Variants in NAB1 observed in about 807,000 individuals in gnomAD.
NAB1 encodes NGFI-A-binding protein 1.
A neutral mutation model predicts 49.9 loss-of-function variants in NAB1; 25 were observed. That is an observed-to-expected ratio of 0.50 (90% confidence interval 0.37 to 0.70). The LOEUF (loss-of-function observed/expected upper bound fraction) is 0.70. Ranked by LOEUF, NAB1 falls within the 30% of genes least tolerant of loss-of-function variation. The pLI is 0.00. For synonymous variants in NAB1, 198 were observed against 215.6 expected, an observed-to-expected ratio of 0.92 and a Z score of 0.71; for missense variants, 489 against 575.9, an observed-to-expected ratio of 0.85 and a Z score of 1.54.
In NAB1 at chr2:190,691,445, T is replaced by G. The variant is rs1323272167; in HGVS notation, c.*1112T>G. The stretch of plus-strand genomic sequence containing the variant: ...ATTATTTATTTTACAATTTCATTTT[T>G]CTACACCTTTGAGATTTATGAATGC... On this transcript the variant is annotated 3_prime_UTR_variant, in exon 10 of 10. Transcript: ENST00000337386. The surrounding 1 kb of genome is among the most constrained non-coding windows in gnomAD (Gnocchi z 4.1). 3.3e-5 allele frequency: 5 copies of G among 152,176 alleles called. No homozygotes were observed. Among genetic ancestry groups the G allele is most frequent in the Non-Finnish European group, 7.4e-5 (5 of 67,988 alleles). 9.4% of individuals were successfully genotyped at this position (152,176 alleles called of 1,614,324 possible).
chr2:190,685,599 A>C lies in NAB1; in HGVS notation c.1219A>C (p.Ser407Arg). 6.2e-7 allele frequency: 1 copy of C among 1,613,182 alleles called. No individual in the cohort carries two copies. The highest frequency in any genetic ancestry group is 2.2e-5 in the East Asian group (1 of 44,870). Residue 407 changes from serine (S) to arginine (R), a missense_variant, in exon 8 of 10, where the codon AGT (serine) becomes CGT (arginine). Ser to Arg is a moderately radical substitution (Grantham distance 110). Around this residue, in one of 4 missense-constraint regions of NAB1, gnomAD observed 212 missense variants for 199.3 expected, o/e 1.06. Coordinates refer to ENST00000337386, the MANE Select transcript of NAB1 (RefSeq NM_005966.4). This position sits in a 1 kb window ranked among gnomAD's most constrained non-coding sequence, Gnocchi z 4.5. Reference protein sequence around the residue: ...GLYRQSSEEHSPNGLTSDNSD... With the variant: ...GLYRQSSEEHRPNGLTSDNSD... ...TTACAGGCAGAGCTCAGAAGAGCAC[A>C]GTCCTAACGGCTTGACTTCCGATAA...
rs940331388 is a variant in NAB1, at chr2:190,674,253, C to T, written c.1005+1101C>T. ...CTTGCATCTCCTACCTTGTCTGCTG[C>T]CACACTCTCCATTCTTACTGTGTTC... On this transcript the variant is annotated intron_variant, in intron 6 of 9. Coordinates refer to ENST00000337386, the MANE Select transcript of NAB1 (RefSeq NM_005966.4). This position sits in a 1 kb window ranked among gnomAD's most constrained non-coding sequence, Gnocchi z 5.7. Among the ~76,000 whole-genome samples, 11 of 152,116 alleles carry T rather than the reference C, an allele frequency of 7.2e-5. No individual in the cohort carries two copies. The highest frequency in any genetic ancestry group is 1.5e-4 in the Non-Finnish European group (10 of 68,000).
rs1695475599 is a variant in NAB1, at chr2:190,683,841, C to T, written c.1095+14C>T. On this transcript the variant is annotated intron_variant, in intron 7 of 9. Transcript: ENST00000337386. ...CTTAGTTCACAGGTAACATAAACTC[C>T]CAGTTATTACTCCATGATAGTATCT... 7.0e-6 allele frequency: 11 copies of T among 1,579,126 alleles called. No individual in the cohort carries two copies. The highest frequency in any genetic ancestry group is 1.3e-5 in the African/African-American group (1 of 74,210).
Position 190,659,522 on chromosome 2 carries a change from A to G in NAB1, c.346A>G (p.Arg116Gly). ...WLGISCSSYERSSNAREPHLK... is the reference protein window; with the variant it reads ...WLGISCSSYEGSSNAREPHLK... ...GGGAATATCCTGCAGTAGTTATGAAAGGAGTAGCAATGCCCGGGAACCTCA... is the reference window on the plus strand; with the variant it reads ...GGGAATATCCTGCAGTAGTTATGAAGGGAGTAGCAATGCCCGGGAACCTCA... The change falls in exon 4 of 10, where the codon AGG (arginine) becomes GGG (glycine). Residue 116 changes from arginine (R) to glycine (G), a missense_variant. Around this residue, in one of 4 missense-constraint regions of NAB1, gnomAD observed 204 missense variants for 220.9 expected, o/e 0.92. Coordinates refer to ENST00000337386, the MANE Select transcript of NAB1 (RefSeq NM_005966.4). The surrounding 1 kb of genome is among the most constrained non-coding windows in gnomAD (Gnocchi z 6.2). 1 of 1,614,232 alleles carries G rather than the reference A, an allele frequency of 6.2e-7. No individual in the cohort carries two copies. Among genetic ancestry groups the G allele is most frequent in the Non-Finnish European group, 8.5e-7 (1 of 1,180,040 alleles).
At position 190,670,416 on chromosome 2, in the gene NAB1, A is replaced by AAG; in HGVS notation, c.910_911insAG (p.Ile304LysfsTer68). On this transcript the variant is annotated frameshift_variant, in exon 5 of 10. Coordinates refer to ENST00000337386, the MANE Select transcript of NAB1 (RefSeq NM_005966.4). LOFTEE classifies it high-confidence loss of function. This position sits in a 1 kb window ranked among gnomAD's most constrained non-coding sequence, Gnocchi z 5.3. ...TGAGCTTTTTGCCTTGGCTCGACAG[A>AAG]TTTCTCGAGAAGTCACCTATAAATA... 1 of 1,614,036 alleles carries AAG rather than the reference A, an allele frequency of 6.2e-7. No individual in the cohort carries two copies. The highest frequency in any genetic ancestry group is 8.5e-7 in the Non-Finnish European group (1 of 1,179,944).
intron 4 of NAB1, among the ~76,000 whole-genome samples, chr2:190,661,144 T>G (rs1694205867): frequency 6.6e-6 from 1 of 152,178 alleles, no homozygotes; most frequent in Admixed American, 6.5e-5. Flanking sequence ...TTGCCCAGGC[T>G]GGTCTCAAGC....
rs1224128943 is a variant in NAB1 at position 190,666,519 on chromosome 2, C to T, written c.820-3807C>T. Among the ~76,000 whole-genome samples the T allele has an allele frequency of 1.3e-5, 2 of 151,868 alleles. No individual in the cohort carries two copies. The highest frequency in any genetic ancestry group is 2.9e-5 in the Non-Finnish European group (2 of 67,976). On this transcript the variant is annotated intron_variant, in intron 4 of 9. Coordinates refer to ENST00000337386, the MANE Select transcript of NAB1 (RefSeq NM_005966.4). The surrounding 1 kb of genome is among the most constrained non-coding windows in gnomAD (Gnocchi z 5.6). ...GTCAGGAGTTCGAGACCAGCCTGGC[C>T]AACATGATGAAACCCCGTCTGTACT... is the stretch of plus-strand genomic sequence containing the variant.
rs1695785146 is a variant in NAB1, at chr2:190,689,081, C to T, written c.1376-1164C>T. ...GACCTTGTGATCCGCCCGCCTCGGC[C>T]CCACAAAGTGCTGGGATTACAGGTG... On this transcript the variant is annotated intron_variant, in intron 9 of 9. Transcript: ENST00000337386. The surrounding 1 kb of genome is among the most constrained non-coding windows in gnomAD (Gnocchi z 4.3). Among the ~76,000 whole-genome samples, 1 of 152,092 alleles carries T rather than the reference C, an allele frequency of 6.6e-6. No individual in the cohort carries two copies. The highest frequency in any genetic ancestry group is 2.4e-5 in the African/African-American group (1 of 41,402).
intron 4 of NAB1, among the ~76,000 whole-genome samples, chr2:190,668,773 A>G (rs1343277515): frequency 6.6e-6 from 1 of 152,182 alleles, no homozygotes; most frequent in Non-Finnish European, 1.5e-5. Flanking sequence ...AGAAAGGGTG[A>G]CTACAGTAGT....
At chr2:190,668,413 G>A (rs879652028) in intron 4 of NAB1, among the ~76,000 whole-genome samples, 10 of 152,056 alleles carry the variant, frequency 6.6e-5, no homozygotes, top group Admixed American at 5.9e-4. Flanking sequence ...ATGGAATATT[G>A]TATGTGTGGG....
In NAB1 at chr2:190,685,333, A is replaced by G. The variant is rs1695553571; in HGVS notation, c.1096-143A>G. ...ATGATATAGACATCTATGCATATTT[A>G]TGGAATTTGTATACCACATGAAGTG... is the stretch of plus-strand genomic sequence containing the variant. On this transcript the variant is annotated intron_variant, in intron 7 of 9. Coordinates refer to ENST00000337386, the MANE Select transcript of NAB1 (RefSeq NM_005966.4). The surrounding 1 kb of genome is among the most constrained non-coding windows in gnomAD (Gnocchi z 4.5). 2 of 659,944 alleles carry G rather than the reference A, an allele frequency of 3.0e-6. No homozygotes were observed. The highest frequency in any genetic ancestry group is 3.3e-5 in the Admixed American group (1 of 30,174). The allele number at this position is 659,944 out of a possible 1,614,324, so 40.9% of individuals were successfully genotyped here. A position where few individuals can be genotyped will look rare whatever the true frequency, so the allele number is the denominator to read the frequency against.
Position 190,666,449 on chromosome 2 carries a change from G to A in NAB1, c.820-3877G>A, listed in dbSNP as rs1381110870. On this transcript the variant is annotated intron_variant, in intron 4 of 9. Transcript: ENST00000337386. This position sits in a 1 kb window ranked among gnomAD's most constrained non-coding sequence, Gnocchi z 5.6. ...AGGCCGGGCATGGTGGCTCACGCCTGTAATCCCAGCACTTTGGGAGGCCAA... is the reference window on the plus strand; with the variant it reads ...AGGCCGGGCATGGTGGCTCACGCCTATAATCCCAGCACTTTGGGAGGCCAA... Among the ~76,000 whole-genome samples the A allele has an allele frequency of 6.6e-6, 1 of 152,228 alleles. No homozygotes were observed. The highest frequency in any genetic ancestry group is 2.4e-5 in the African/African-American group (1 of 41,450).
intron 8 of NAB1, 44 bp from the exon 9 acceptor site, chr2:190,687,157 G>C (rs752590749): frequency 8.1e-7 from 1 of 1,242,016 alleles, no homozygotes; most frequent in Admixed American, 2.8e-5. Context: ...AAAAACCATG[G>C]TATGTTTTTA....
chr2:190,692,130 C>G lies in NAB1; in HGVS notation c.*1797C>G, dbSNP rs766078429. On this transcript the variant is annotated 3_prime_UTR_variant, in exon 10 of 10. Transcript: ENST00000337386. This position sits in a 1 kb window ranked among gnomAD's most constrained non-coding sequence, Gnocchi z 5.2. ...TGTAGAAATAGTATGAGTACGATTTCAATAGACTGTTCAGTTTTTAATATT... is the reference window on the plus strand; with the variant it reads ...TGTAGAAATAGTATGAGTACGATTTGAATAGACTGTTCAGTTTTTAATATT... 2.6e-5 allele frequency: 4 copies of G among 152,520 alleles called. No homozygotes were observed. The highest frequency in any genetic ancestry group is 5.9e-5 in the Non-Finnish European group (4 of 68,002). 9.4% of individuals were successfully genotyped at this position (152,520 alleles called of 1,614,324 possible). A position where few individuals can be genotyped will look rare whatever the true frequency, so the allele number is the denominator to read the frequency against.
chr2:190,672,647 A>AT (rs974727301), intron 5 of NAB1, among the ~76,000 whole-genome samples: 1 of 151,160 alleles, frequency 6.6e-6, no homozygotes, highest in Non-Finnish European at 1.5e-5. Flanking sequence ...ATCCTCCTTG[A>AT]TTTTTTTTTC....
chr2:190,668,580 AAGT>A (rs781017666), intron 4 of NAB1, among the ~76,000 whole-genome samples: 5 of 152,220 alleles, frequency 3.3e-5, no homozygotes, highest in Admixed American at 6.5e-5. Flanking sequence ...TAACTGAAAA[AAGT>A]AGATTACAAA....
Position 190,676,285 on chromosome 2 carries a change from A to C in NAB1, c.1005+3133A>C, listed in dbSNP as rs1356196218. Among the ~76,000 whole-genome samples, 1 of 152,212 alleles carries C rather than the reference A, an allele frequency of 6.6e-6. No individual in the cohort carries two copies. The highest frequency in any genetic ancestry group is 1.5e-5 in the Non-Finnish European group (1 of 68,030). On this transcript the variant is annotated intron_variant, in intron 6 of 9. Coordinates refer to ENST00000337386, the MANE Select transcript of NAB1 (RefSeq NM_005966.4). This position sits in a 1 kb window ranked among gnomAD's most constrained non-coding sequence, Gnocchi z 4.6. ...AGAAAATACTAAGCATGTTCAGAGA[A>C]CAATAAGTTTGTCTAGGGAATGTGA...
At position 190,676,527 on chromosome 2, in the gene NAB1, G is replaced by C. The variant is rs1269075015; in HGVS notation, c.1005+3375G>C. Among the ~76,000 whole-genome samples the C allele has an allele frequency of 2.0e-5, 3 of 152,126 alleles. No homozygotes were observed. Among genetic ancestry groups the C allele is most frequent in the Non-Finnish European group, 4.4e-5 (3 of 68,036 alleles). On this transcript the variant is annotated intron_variant, in intron 6 of 9. Transcript: ENST00000337386. This position sits in a 1 kb window ranked among gnomAD's most constrained non-coding sequence, Gnocchi z 4.6. ...ATGGATTGCTTGAGTCCAGGAGTTT[G>C]AGACCAGCCTGGGCAACATGGCAAA...
chr2:190,685,759 AT>A lies in NAB1; in HGVS notation c.1258+122del. Reference sequence around the variant, plus strand: ...TAGAGATTATTTTACAGGTTCTCTTATCAAAATTATTTTTTGAATTCTTCAT... The same window carrying A: ...TAGAGATTATTTTACAGGTTCTCTTACAAAATTATTTTTTGAATTCTTCAT... On this transcript the variant is annotated intron_variant, in intron 8 of 9. Transcript: ENST00000337386. This position sits in a 1 kb window ranked among gnomAD's most constrained non-coding sequence, Gnocchi z 4.5. 1 of 790,764 alleles carries A rather than the reference AT, an allele frequency of 1.3e-6. No individual in the cohort carries two copies. The highest frequency in any genetic ancestry group is 1.8e-6 in the Non-Finnish European group (1 of 569,812). 49.0% of individuals were successfully genotyped at this position (790,764 alleles called of 1,614,324 possible).
Sources: gnomAD v4.1 joint callset for allele counts (sites outside exome capture counted in the v4.1 genomes callset) on GRCh38, gnomAD v4.1.1 for gene constraint, gnomAD v4.1.1 regional missense constraint, Gnocchi (gnomAD v3.1) non-coding constraint, MANE v1.5 for transcripts, NCBI Gene and HGNC (gene_info 2026-07-23, HGNC 2026-07-21) for gene names.